Variants in PLXNA1 observed in about 807,000 individuals in gnomAD.
The protein encoded by PLXNA1 is plexin-A1.
In PLXNA1, 77 loss-of-function variants were observed where a neutral mutation model predicts 191.7. The ratio of observed to expected loss-of-function variants is 0.40; its 90% CI spans 0.33 to 0.49. PLXNA1 has a LOEUF of 0.49. PLXNA1 is among the 20% of genes least tolerant of loss of function. The probability of loss-of-function intolerance (pLI) is 0.63; values close to 1 mark genes in which losing one functional copy is unlikely to be tolerated. For missense variants in PLXNA1, 2,110 were observed against 2,660.2 expected, an observed-to-expected ratio of 0.79 and a Z score of 4.55; for synonymous variants, 1,137 against 1,156.4, an observed-to-expected ratio of 0.98 and a Z score of 0.34.
chr3:127,028,159 C>T (rs552914026), intron 24 of PLXNA1, 22 bp from the exon 25 acceptor site: 11 of 1,613,318 alleles, frequency 6.8e-6, no homozygotes, highest in African/African-American at 2.7e-5. Context: ...GACGCTGCCC[C>T]CTTGCTCCAC....
intron 10 of PLXNA1, 104 bp downstream of exon 10, chr3:127,012,262 G>A (rs920834342): frequency 2.3e-5 from 27 of 1,152,760 alleles, no homozygotes; most frequent in East Asian, 7.7e-5. Context: ...GGCAGTGCAC[G>A]TGCTCACGTG....
chr3:127,036,929 C>G lies in PLXNA1; in HGVS notation c.*2912C>G, dbSNP rs2079246692. 1 of 152,310 alleles carries G rather than the reference C, an allele frequency of 6.6e-6. No individual in the cohort carries two copies. The highest frequency in any genetic ancestry group is 6.5e-5 in the Admixed American group (1 of 15,292). The allele number at this position is 152,310 out of a possible 1,614,324, so 9.4% of individuals were successfully genotyped here. The stretch of plus-strand genomic sequence containing the variant: ...CCTCTTGATATACCTCGAGCTTCCC[C>G]TGTGCTCCCCAGCCCCAGGACCACT... On this transcript the variant is annotated 3_prime_UTR_variant, in exon 32 of 32. Coordinates refer to ENST00000393409, the MANE Select transcript of PLXNA1 (RefSeq NM_032242.4).
chr3:127,033,909 C>T lies in PLXNA1; in HGVS notation c.5596-13C>T, dbSNP rs1354658452. The T allele has an allele frequency of 1.3e-6, 2 of 1,584,086 alleles. No individual in the cohort carries two copies. The highest frequency in any genetic ancestry group is 8.6e-7 in the Non-Finnish European group (1 of 1,166,272). On this transcript the variant is annotated splice_polypyrimidine_tract_variant and intron_variant, in intron 31 of 31. Transcript: ENST00000393409. ...GGTGGCCCGGCATGCTGACAGTTCTCCTGGCCCTGCAGATCCTGGCAGCCC... is the reference window on the plus strand; with the variant it reads ...GGTGGCCCGGCATGCTGACAGTTCTTCTGGCCCTGCAGATCCTGGCAGCCC...
intron 20 of PLXNA1, among the ~76,000 whole-genome samples, 160 bp downstream of exon 20, chr3:127,018,688 G>A (rs889871647): frequency 6.6e-6 from 1 of 152,242 alleles, no homozygotes; most frequent in African/African-American, 2.4e-5. Context: ...AGGGCAGTGG[G>A]CGGGTGCCTG....
Position 127,033,385 on chromosome 3 carries a change from C to T in PLXNA1, c.5596-537C>T, listed in dbSNP as rs1559968059. On this transcript the variant is annotated intron_variant, in intron 31 of 31. Coordinates refer to ENST00000393409, the MANE Select transcript of PLXNA1 (RefSeq NM_032242.4). ...AAGGCTCTGAGGGCTAAGAAGGCCACGGGAGTGAACCAGAGCCACCCTGGG... is the reference window on the plus strand; with the variant it reads ...AAGGCTCTGAGGGCTAAGAAGGCCATGGGAGTGAACCAGAGCCACCCTGGG... 2.0e-5 allele frequency among the ~76,000 whole-genome samples: 3 copies of T among 152,152 alleles called. 1 individual carries two copies. The highest frequency in any genetic ancestry group is 4.8e-5 in the African/African-American group (2 of 41,430).
chr3:126,991,395 C>A lies in PLXNA1; in HGVS notation c.1206C>A (p.Ile402=). 3.1e-6 allele frequency: 5 copies of A among 1,612,714 alleles called. No individual in the cohort carries two copies. Among genetic ancestry groups the A allele is most frequent in the Non-Finnish European group, 4.2e-6 (5 of 1,179,848 alleles). The part of the protein sequence containing the change: ...ELGCINSPLQ[I]DDDFCGQDFN... ...GCCCCTTCCCACAGCCCCTGCAGAT[C>A]GATGACGACTTCTGCGGGCAGGACT... The change falls in exon 3 of 32, where the codon ATC becomes ATA. Residue 402 remains isoleucine, a synonymous_variant. Transcript: ENST00000393409.
chr3:126,988,638 G>A lies in PLXNA1; in HGVS notation c.45G>A (p.Leu15=). 6.3e-7 allele frequency: 1 copy of A among 1,576,164 alleles called. No homozygotes were observed. The highest frequency in any genetic ancestry group is 8.6e-7 in the Non-Finnish European group (1 of 1,161,348). Residue 15 remains leucine (L), a synonymous_variant, in exon 2 of 32, where the codon CTG becomes CTA. Coordinates refer to ENST00000393409, the MANE Select transcript of PLXNA1 (RefSeq NM_032242.4). ...GCCTGCAGGTGCTCCTGCTGCTGCT[G>A]CTGTTGCTGCTGCTGCTGCCGGGCA... ...PRSLQVLLLL[L]LLLLLLPGMW... is the part of the protein sequence containing the mutation.
chr3:127,024,926 C>A (rs2079169711), intron 23 of PLXNA1, among the ~76,000 whole-genome samples: 1 of 152,164 alleles, frequency 6.6e-6, no homozygotes, highest in South Asian at 2.1e-4. Flanking sequence ...TTGTTTAGAG[C>A]AGTTCCAGAT....
intron 10 of PLXNA1, among the ~76,000 whole-genome samples, chr3:127,012,390 G>T (rs1266041014): frequency 6.6e-6 from 1 of 152,258 alleles, no homozygotes; most frequent in African/African-American, 2.4e-5. Context: ...CCTGGTAGCT[G>T]CTGAGAGCAC....
chr3:126,989,857 A>T (rs1194341958), intron 2 of PLXNA1, 70 bp downstream of exon 2: 1 of 1,324,670 alleles, frequency 7.5e-7, no homozygotes, highest in African/African-American at 1.5e-5. Flanking sequence ...TCGGTGTCAG[A>T]TGCACGCCCA....
intron 16 of PLXNA1, 63 bp downstream of exon 16, chr3:127,016,747 T>G: frequency 6.3e-7 from 1 of 1,578,292 alleles, no homozygotes; most frequent in Admixed American, 1.7e-5. Context: ...AGCCAGGAGC[T>G]CTTCCACTGG....
chr3:127,033,454 G>T (rs2079222893), intron 31 of PLXNA1, among the ~76,000 whole-genome samples: 1 of 152,190 alleles, frequency 6.6e-6, no homozygotes, highest in Non-Finnish European at 1.5e-5. Flanking sequence ...CTTCCCCAGG[G>T]TGCCACAGGA....
At chr3:127,001,762 C>T (rs2079041919) in intron 3 of PLXNA1, among the ~76,000 whole-genome samples, 2 of 152,332 alleles carry the variant, frequency 1.3e-5, no homozygotes, top group East Asian at 3.9e-4. Context: ...CCCTGGGTCC[C>T]CCTGCTCCCG....
chr3:127,022,034 G>C, intron 21 of PLXNA1, 51 bp from the exon 22 acceptor site: 2 of 1,581,060 alleles, frequency 1.3e-6, no homozygotes, highest in Non-Finnish European at 1.7e-6. Flanking sequence ...GTCAGCTTGG[G>C]GGCTGGGGCT....
intron 25 of PLXNA1, 52 bp downstream of exon 25, chr3:127,028,392 A>G (rs2079187719): frequency 6.4e-7 from 1 of 1,567,306 alleles, no homozygotes; most frequent in Non-Finnish European, 8.6e-7. Flanking sequence ...GCAGAGGGGC[A>G]GGGCCATGGC....
rs1304857633 is a variant in PLXNA1, at chr3:127,032,671, G to T, written c.5445-15G>T. On this transcript the variant is annotated splice_polypyrimidine_tract_variant and intron_variant, in intron 30 of 31. Coordinates refer to ENST00000393409, the MANE Select transcript of PLXNA1 (RefSeq NM_032242.4). The stretch of plus-strand genomic sequence containing the variant: ...TGGACTCTGCTCATGTGCCCACCTG[G>T]CCACTCACCTGCAGGTACTATGCAG... 9 of 1,612,316 alleles carry T rather than the reference G, an allele frequency of 5.6e-6. No individual in the cohort carries two copies. The highest frequency in any genetic ancestry group is 7.6e-6 in the Non-Finnish European group (9 of 1,179,418).
intron 17 of PLXNA1, 148 bp from the exon 18 acceptor site, chr3:127,017,277 G>A (rs924164836): frequency 1.4e-4 from 170 of 1,221,450 alleles, no homozygotes; most frequent in Non-Finnish European, 1.6e-4. Context: ...CCTGGTCCAC[G>A]TCGGGTGGGT....
In PLXNA1 at chr3:126,988,636, C is replaced by T; in HGVS notation, c.43C>T (p.Leu15=). The change falls in exon 2 of 32, where the codon CTG becomes TTG. Residue 15 remains leucine (L), a synonymous_variant. Transcript: ENST00000393409. ...PRSLQVLLLL[L]LLLLLLPGMW... ...GAGCCTGCAGGTGCTCCTGCTGCTG[C>T]TGCTGTTGCTGCTGCTGCTGCCGGG... The T allele has an allele frequency of 6.3e-7, 1 of 1,575,574 alleles. No homozygotes were observed.
chr3:126,985,064 C>T (rs1040081241), intron 1 of PLXNA1, among the ~76,000 whole-genome samples: 2 of 152,146 alleles, frequency 1.3e-5, no homozygotes, highest in Non-Finnish European at 2.9e-5. Flanking sequence ...GGATGGCAGC[C>T]CCACACCCCA....
Sources: gnomAD v4.1 joint callset for allele counts (sites outside exome capture counted in the v4.1 genomes callset) on GRCh38, gnomAD v4.1.1 for gene constraint, MANE v1.5 for transcripts, NCBI Gene and HGNC (gene_info 2026-07-23, HGNC 2026-07-21) for gene names.